The following ATP10B variants were observed in gnomAD, a reference collection of about 807,000 sequenced individuals.
The protein encoded by ATP10B is ATPase phospholipid transporting 10B (putative), also known as phospholipid-transporting ATPase VB.
A neutral mutation model predicts 141.2 loss-of-function variants in ATP10B; 122 were observed. The observed-to-expected ratio is 0.86, with a 90% CI of 0.75 to 1.00. The LOEUF is 1.00. Ranked by LOEUF, ATP10B falls within the 50% of genes least tolerant of loss-of-function variation. ATP10B has a pLI of 0.00. For missense variants in ATP10B, 1,876 were observed against 1,825.3 expected (o/e 1.03, Z -0.51); for synonymous variants, 685 against 692.0 (o/e 0.99, Z 0.16).
intron 24 of ATP10B, among the ~76,000 whole-genome samples, chr5:160,576,792 G>C (rs1324677132): frequency 6.6e-6 from 1 of 152,208 alleles, no homozygotes; most frequent in Non-Finnish European, 1.5e-5. Context: ...GTATGAAGTA[G>C]GAAGCATCAC....
At chr5:160,904,822 A>G in the ATP10B span, among the ~76,000 whole-genome samples, 2 of 152,354 alleles carry the variant, frequency 1.3e-5, no homozygotes, top group South Asian at 4.1e-4. Context: ...CATAGATGCC[A>G]GCATAAGACA....
intron 7 of ATP10B, among the ~76,000 whole-genome samples, chr5:160,652,819 TATTA>T (rs568071687): frequency 0.021 from 2,107 of 101,842 alleles, 272 homozygotes; most frequent in African/African-American, 0.086. Flanking sequence ...ATATATTATA[TATTA>T]ATTATATATA....
chr5:160,855,117 G>T (rs1388059234), upstream of ATP10B, among the ~76,000 whole-genome samples: 1 of 152,030 alleles, frequency 6.6e-6, no homozygotes, highest in African/African-American at 2.4e-5. Flanking sequence ...TTAATTCCTG[G>T]ATTGTATGGT....
At chr5:160,893,862 T>C in the ATP10B span, among the ~76,000 whole-genome samples, 14 of 152,144 alleles carry the variant, frequency 9.2e-5, no homozygotes, top group Non-Finnish European at 2.1e-4. Context: ...CAGCAATCTT[T>C]GCTGTTCTGC....
the ATP10B span, among the ~76,000 whole-genome samples, chr5:160,927,072 A>G: frequency 2.1e-3 from 321 of 152,334 alleles, 3 homozygotes; most frequent in African/African-American, 7.3e-3. Flanking sequence ...AGAGGGAACA[A>G]CATAAGAAAT....
chr5:160,634,827 T>C (rs184701429), intron 11 of ATP10B, among the ~76,000 whole-genome samples: 3 of 152,358 alleles, frequency 2.0e-5, no homozygotes, highest in Admixed American at 1.3e-4. Flanking sequence ...CTAGTCACCA[T>C]TGGTTGTCTG....
intron 3 of ATP10B, among the ~76,000 whole-genome samples, chr5:160,707,793 A>C (rs945103164): frequency 1.3e-5 from 2 of 152,226 alleles, no homozygotes; most frequent in Non-Finnish European, 2.9e-5. Flanking sequence ...ATTGGGAAGA[A>C]AGTAGAGACA....
At chr5:160,795,949 C>A (rs893471773) in intron 1 of ATP10B, among the ~76,000 whole-genome samples, 15 of 152,174 alleles carry the variant, frequency 9.9e-5, no homozygotes, top group South Asian at 4.2e-4. Flanking sequence ...ATATGGCAGC[C>A]CTAGAAAATA....
chr5:160,768,943 C>T (rs1408213280), intron 2 of ATP10B, among the ~76,000 whole-genome samples: 1 of 152,160 alleles, frequency 6.6e-6, no homozygotes, highest in Non-Finnish European at 1.5e-5. Flanking sequence ...AAACAGGAGC[C>T]TCAGTCTGGA....
chr5:160,597,604 A>G (rs1275056526), intron 22 of ATP10B, among the ~76,000 whole-genome samples: 3 of 152,010 alleles, frequency 2.0e-5, no homozygotes, highest in Non-Finnish European at 4.4e-5. Context: ...CAGAGTGAAC[A>G]GGCAACCTAC....
intron 2 of ATP10B, among the ~76,000 whole-genome samples, chr5:160,759,753 C>T (rs1226718889): frequency 6.6e-6 from 1 of 152,240 alleles, no homozygotes; most frequent in Non-Finnish European, 1.5e-5. Flanking sequence ...TCATTCCTTA[C>T]ATTCCAACCT....
At chr5:160,905,068 G>A in the ATP10B span, among the ~76,000 whole-genome samples, 3 of 152,172 alleles carry the variant, frequency 2.0e-5, no homozygotes, top group African/African-American at 7.2e-5. Flanking sequence ...CAGTAACTCC[G>A]GACTGGGTAT....
chr5:160,571,804 A>C (rs947737012), intron 24 of ATP10B, among the ~76,000 whole-genome samples: 4 of 152,178 alleles, frequency 2.6e-5, no homozygotes, highest in Non-Finnish European at 5.9e-5. Context: ...CTACATATGT[A>C]CCTGAGGCCA....
At chr5:160,609,620 C>T (rs1262908213) in intron 18 of ATP10B, among the ~76,000 whole-genome samples, 2 of 152,182 alleles carry the variant, frequency 1.3e-5, no homozygotes, top group Non-Finnish European at 2.9e-5. Flanking sequence ...CTCAAGTGAT[C>T]CACGTGCCTT....
chr5:160,697,052 A>G (rs1043587235), intron 3 of ATP10B, among the ~76,000 whole-genome samples: 2 of 152,268 alleles, frequency 1.3e-5, no homozygotes, highest in African/African-American at 2.4e-5. Flanking sequence ...TATATTTATT[A>G]GAATACAAAA....
intron 2 of ATP10B, among the ~76,000 whole-genome samples, chr5:160,720,273 C>T (rs1765913411): frequency 6.6e-6 from 1 of 152,164 alleles, no homozygotes; most frequent in Non-Finnish European, 1.5e-5. Context: ...AAATAACCTC[C>T]AAAATATGTG....
At chr5:160,830,537 T>A (rs1774993740) in intron 1 of ATP10B, among the ~76,000 whole-genome samples, 1 of 152,116 alleles carries the variant, frequency 6.6e-6, no homozygotes, top group Admixed American at 6.6e-5. Flanking sequence ...TGCTCCCAGC[T>A]GTAGATTGAT....
chr5:160,844,554 T>G (rs908481685), intron 1 of ATP10B, among the ~76,000 whole-genome samples: 1 of 152,074 alleles, frequency 6.6e-6, no homozygotes, highest in African/African-American at 2.4e-5. Flanking sequence ...TACTTTGTTT[T>G]TTTTTTTTTG....
chr5:160,752,079 G>T (rs1008170194), intron 2 of ATP10B, among the ~76,000 whole-genome samples: 4 of 144,798 alleles, frequency 2.8e-5, no homozygotes, highest in African/African-American at 1.0e-4. Context: ...AATTCTTAAA[G>T]AAAAAAGGAT....
Sources: allele counts gnomAD v4.1 joint callset (sites outside exome capture counted in the v4.1 genomes callset), GRCh38; gene constraint gnomAD v4.1.1; transcripts MANE v1.5; gene names NCBI Gene and HGNC (gene_info 2026-07-23, HGNC 2026-07-21).